ANKEF1: variants seen among roughly 807,000 people sequenced by gnomAD.
ANKEF1 encodes ankyrin repeat and EF-hand domain containing 1.
In ANKEF1, 43 loss-of-function variants were observed where a neutral mutation model predicts 65.1. That is an observed-to-expected ratio of 0.66 (90% CI 0.52 to 0.85). The LOEUF (loss-of-function observed/expected upper bound fraction) is 0.85. Ranked by LOEUF, ANKEF1 falls within the 40% of genes least tolerant of loss-of-function variation. ANKEF1 has a pLI of 0.00. For missense variants in ANKEF1, 934 were observed against 952.9 expected (o/e 0.98, Z 0.26); for synonymous variants, 316 against 341.5 (o/e 0.93, Z 0.82).
At chr20:10,044,596 T>A in intron 5 of ANKEF1, 53 bp downstream of exon 5, 1 of 1,596,660 alleles carries the variant, frequency 6.3e-7, no homozygotes, top group Non-Finnish European at 8.5e-7. Flanking sequence ...TTCTGTCCTT[T>A]TTCTCAAATT....
At position 10,038,553 on chromosome 20, in the gene ANKEF1, C is replaced by T. The variant is rs1983997817; in HGVS notation, c.252C>T (p.Pro84=). The part of the protein sequence containing the change: ...PDVQDRMGCT[P]TMRAAELGHE... Reference sequence around the variant, plus strand: ...TGCAAGACCGAATGGGCTGTACTCCCACAATGAGGGCTGCAGAACTGGGCC... The same window carrying T: ...TGCAAGACCGAATGGGCTGTACTCCTACAATGAGGGCTGCAGAACTGGGCC... Residue 84 remains proline (P), a synonymous_variant, in exon 3 of 11, where the codon CCC becomes CCT. Transcript: ENST00000378392. 1.9e-6 allele frequency: 3 copies of T among 1,614,202 alleles called. No homozygotes were observed. Among genetic ancestry groups the T allele is most frequent in the Non-Finnish European group, 2.5e-6 (3 of 1,180,048 alleles).
In ANKEF1 at chr20:10,045,600, T is replaced by G. The variant is rs1568512919; in HGVS notation, c.723T>G (p.Asn241Lys). Residue 241 changes from asparagine (N) to lysine (K), a missense_variant, in exon 6 of 11, where the codon AAT (asparagine) becomes AAG (lysine). Physicochemically the swap from Asn to Lys is moderately conservative, Grantham distance 94. Transcript: ENST00000378392. ...TATTGAAGCTTCTTTTTGCCTACAATGGAGACGTGGGGCTGATTTCGATAA... is the reference window on the plus strand; with the variant it reads ...TATTGAAGCTTCTTTTTGCCTACAAGGGAGACGTGGGGCTGATTTCGATAA... Reference protein sequence around the residue: ...FDILKLLFAYNGDVGLISING... With the variant: ...FDILKLLFAYKGDVGLISING... 6.2e-7 allele frequency: 1 copy of G among 1,613,778 alleles called. No homozygotes were observed. Among genetic ancestry groups the G allele is most frequent in the Admixed American group, 1.7e-5 (1 of 59,984 alleles).
Position 10,038,485 on chromosome 20 carries a change from GATATGGTC to G in ANKEF1, c.186_193del (p.Asp62GlufsTer5). ...CTTAGCCTCAGTTTCCAATGATATT[GATATGGTC>G]AGCTTTCTCCTTGACCTTGGTGCTC... On this transcript the variant is annotated frameshift_variant, in exon 3 of 11. Coordinates refer to ENST00000378392, the MANE Select transcript of ANKEF1 (RefSeq NM_022096.6). LOFTEE classifies it high-confidence loss of function. The G allele has an allele frequency of 3.1e-6, 5 of 1,614,192 alleles. No homozygotes were observed. The highest frequency in any genetic ancestry group is 4.2e-6 in the Non-Finnish European group (5 of 1,180,026).
chr20:10,049,962 AGCAGCCGGTTTAATAGAGATCATCCC>A lies in ANKEF1; in HGVS notation c.1394_1419del (p.Ser465ThrfsTer8), dbSNP rs748559094. On this transcript the variant is annotated frameshift_variant, in exon 7 of 11. Transcript: ENST00000378392. LOFTEE classifies it high-confidence loss of function. ...TGAGACCTACAAGAATGTCACTGAT[AGCAGCCGGTTTAATAGAGATCATCCC>A]CCAGAACATCCCATTCAGGATGACT... 4 of 1,614,078 alleles carry A rather than the reference AGCAGCCGGTTTAATAGAGATCATCCC, an allele frequency of 2.5e-6. No individual in the cohort carries two copies. The highest frequency in any genetic ancestry group is 3.4e-6 in the Non-Finnish European group (4 of 1,180,024).
At position 10,038,512 on chromosome 20, in the gene ANKEF1, G is replaced by C; in HGVS notation, c.211G>C (p.Gly71Arg). The change falls in exon 3 of 11, where the codon GGT becomes CGT. Residue 71 changes from glycine to arginine, a missense_variant. Gly to Arg is a moderately radical substitution (Grantham distance 125, BLOSUM62 -2). Coordinates refer to ENST00000378392, the MANE Select transcript of ANKEF1 (RefSeq NM_022096.6). ...IDMVSFLLDL[G>R]AHPDVQDRMG... ...TATGGTCAGCTTTCTCCTTGACCTT[G>C]GTGCTCACCCTGATGTGCAAGACCG... The C allele has an allele frequency of 6.2e-7, 1 of 1,614,196 alleles. No homozygotes were observed. Among genetic ancestry groups the C allele is most frequent in the Non-Finnish European group, 8.5e-7 (1 of 1,180,042 alleles).
In ANKEF1 at chr20:10,044,546, A is replaced by G. The variant is rs1444796806; in HGVS notation, c.696+3A>G. The stretch of plus-strand genomic sequence containing the variant: ...CTGCTAAAGGAGGCTTTTTCGATGT[A>G]ATAATCTATTCTTTGCTTTAAAATT... On this transcript the variant is annotated splice_donor_region_variant and intron_variant, in intron 5 of 10. Coordinates refer to ENST00000378392, the MANE Select transcript of ANKEF1 (RefSeq NM_022096.6). 1.9e-6 allele frequency: 3 copies of G among 1,613,302 alleles called. No individual in the cohort carries two copies. Among genetic ancestry groups the G allele is most frequent in the South Asian group, 1.1e-5 (1 of 91,052 alleles).
chr20:10,050,282 C>T, intron 7 of ANKEF1, 70 bp downstream of exon 7: 2 of 1,300,230 alleles, frequency 1.5e-6, no homozygotes, highest in Non-Finnish European at 2.1e-6. Context: ...GAAAAGATGA[C>T]CGAATTTTAG....
chr20:10,052,897 G>A (rs947323939), intron 8 of ANKEF1, among the ~76,000 whole-genome samples: 1 of 152,120 alleles, frequency 6.6e-6, no homozygotes, highest in East Asian at 1.9e-4. Context: ...GTAATTTTCT[G>A]TATTTAGATG....
Position 10,051,699 on chromosome 20 carries a change from T to G in ANKEF1, c.1680T>G (p.Thr560=). The G allele has an allele frequency of 6.2e-7, 1 of 1,613,734 alleles. No homozygotes were observed. The highest frequency in any genetic ancestry group is 1.1e-5 in the South Asian group (1 of 91,054). ...NVNATDNFLW[T]PLHFACHAGQ... is the part of the protein sequence containing the mutation. ...ATGCAACAGATAACTTTCTGTGGAC[T>G]CCACTTCATTTTGCATGCCATGCAG... The change falls in exon 8 of 11, where the codon ACT becomes ACG. Residue 560 remains threonine, a synonymous_variant. Transcript: ENST00000378392.
chr20:10,036,375 ACATATG>A (rs1361609188), intron 2 of ANKEF1, among the ~76,000 whole-genome samples: 1 of 149,952 alleles, frequency 6.7e-6, no homozygotes, highest in Non-Finnish European at 1.5e-5. Flanking sequence ...TGACACATAT[ACATATG>A]CAGTATGATG....
chr20:10,049,367 AT>A (rs1984697400), intron 6 of ANKEF1, 22 bp from the exon 7 acceptor site: 3 of 1,582,352 alleles, frequency 1.9e-6, no homozygotes. Flanking sequence ...ACCATTCATA[AT>A]TAATGATGCT....
Position 10,056,470 on chromosome 20 carries a change from A to AGAT in ANKEF1, c.*811_*813dup, listed in dbSNP as rs34964842. On this transcript the variant is annotated 3_prime_UTR_variant, in exon 11 of 11. Coordinates refer to ENST00000378392, the MANE Select transcript of ANKEF1 (RefSeq NM_022096.6). ...ATAGACAGATATATAGATGATAGAT[A>AGAT]GATAGATGATAGATAGATAGATAGA... is the stretch of plus-strand genomic sequence containing the variant. 5 of 145,518 alleles carry AGAT rather than the reference A, an allele frequency of 3.4e-5. No individual in the cohort carries two copies. Among genetic ancestry groups the AGAT allele is most frequent in the African/African-American group, 1.3e-4 (5 of 38,616 alleles). 9.0% of individuals were successfully genotyped at this position (145,518 alleles called of 1,614,324 possible).
Position 10,049,542 on chromosome 20 carries a change from T to C in ANKEF1, c.973T>C (p.Trp325Arg). Residue 325 changes from tryptophan to arginine, a missense_variant, in exon 7 of 11, where the codon TGG becomes CGG. Physicochemically the swap from Trp to Arg is moderately radical, Grantham distance 101. Coordinates refer to ENST00000378392, the MANE Select transcript of ANKEF1 (RefSeq NM_022096.6). ...RPGAKNPNPL[W>R]ALRLHDWSVE... ...AGGAGCCAAAAATCCAAATCCACTG[T>C]GGGCCCTTAGACTGCACGATTGGTC... The C allele has an allele frequency of 1.2e-6, 2 of 1,614,092 alleles. No homozygotes were observed. The highest frequency in any genetic ancestry group is 1.7e-6 in the Non-Finnish European group (2 of 1,180,010).
intron 2 of ANKEF1, 142 bp from the exon 3 acceptor site, chr20:10,038,116 G>T (rs1469358641): frequency 2.3e-6 from 1 of 440,620 alleles, no homozygotes. Context: ...CAATATTTTT[G>T]ATATTTATGT....
chr20:10,039,406 C>G (rs2122223458), intron 3 of ANKEF1, among the ~76,000 whole-genome samples: 1 of 152,242 alleles, frequency 6.6e-6, no homozygotes, highest in African/African-American at 2.4e-5. Flanking sequence ...AGATACAAGG[C>G]CATTAACATC....
At chr20:10,042,626 A>G (rs1984255147) in intron 3 of ANKEF1, among the ~76,000 whole-genome samples, 1 of 152,222 alleles carries the variant, frequency 6.6e-6, no homozygotes, top group South Asian at 2.1e-4. Flanking sequence ...CTTGCCATCT[A>G]ATTAGCCACT....
chr20:10,054,711 T>C (rs1181822458), intron 10 of ANKEF1, 112 bp downstream of exon 10: 2 of 1,130,788 alleles, frequency 1.8e-6, no homozygotes, highest in African/African-American at 1.7e-5. Flanking sequence ...TCTTTCATAG[T>C]TACTACTTGT....
intron 3 of ANKEF1, chr20:10,040,641 C>G (rs6039661): frequency 6.6e-6 from 1 of 152,168 alleles, no homozygotes; most frequent in African/African-American, 2.4e-5. Context: ...GTACTCAGTC[C>G]TCAATGCCGT....
At chr20:10,051,579 C>G (rs1236686745) in intron 7 of ANKEF1, 84 bp from the exon 8 acceptor site, 1 of 1,052,306 alleles carries the variant, frequency 9.5e-7, no homozygotes, top group Non-Finnish European at 1.4e-6. Flanking sequence ...CTTGATAGAA[C>G]TCTATGAAAT....
Sources: gnomAD v4.1 joint callset for allele counts (sites outside exome capture counted in the v4.1 genomes callset) on GRCh38, gnomAD v4.1.1 for gene constraint, MANE v1.5 for transcripts, NCBI Gene and HGNC (gene_info 2026-07-23, HGNC 2026-07-21) for gene names.